Variants in TNS1 observed in about 807,000 individuals in gnomAD.
TNS1 encodes tensin-1.
Under a neutral mutation model 168.6 loss-of-function variants are expected in TNS1, and 62 were observed. That is an observed-to-expected ratio of 0.37 (90% CI 0.30 to 0.45). TNS1 has a LOEUF of 0.45. Ranked by LOEUF, TNS1 falls within the 20% of genes least tolerant of loss-of-function variation. The pLI is 1.00. For synonymous variants in TNS1, 934 were observed against 933.2 expected (o/e 1.00, Z -0.02); for missense variants, 2,240 against 2,339.4 (o/e 0.96, Z 0.88).
At chr2:217,901,663 C>G (rs1053702944) in intron 6 of TNS1, 5 of 152,210 alleles carry the variant, frequency 3.3e-5, no homozygotes, top group African/African-American at 9.7e-5. Context: ...AGAGACAGGA[C>G]CACAATCTGC....
At chr2:218,008,771 T>C (rs955982597) in intron 1 of TNS1, among the ~76,000 whole-genome samples, 1 of 152,154 alleles carries the variant, frequency 6.6e-6, no homozygotes, top group Non-Finnish European at 1.5e-5. Flanking sequence ...TCCCATCCAT[T>C]TGGATGGCAA....
chr2:217,830,758 A>G (rs1290373962), intron 22 of TNS1, among the ~76,000 whole-genome samples: 2 of 152,112 alleles, frequency 1.3e-5, no homozygotes, highest in East Asian at 3.9e-4. Context: ...GGGAGTAGGG[A>G]TGGGGGATGA....
intron 18 of TNS1, among the ~76,000 whole-genome samples, chr2:217,861,785 G>T (rs951980429): frequency 1.4e-4 from 21 of 152,220 alleles, no homozygotes. Flanking sequence ...ACACAGAAGT[G>T]CTCCAAAGGA....
At chr2:217,993,473 C>T (rs1056850633) in intron 1 of TNS1, among the ~76,000 whole-genome samples, 22 of 152,196 alleles carry the variant, frequency 1.4e-4, no homozygotes, top group African/African-American at 5.1e-4. Flanking sequence ...GCCGCTTCTG[C>T]GGTATCCCTG....
At position 217,804,290 on chromosome 2, in the gene TNS1, T is replaced by TG; in HGVS notation, c.*168_*169insC. 2.0e-6 allele frequency: 1 copy of TG among 504,818 alleles called. No individual in the cohort carries two copies. 31.3% of individuals were successfully genotyped at this position (504,818 alleles called of 1,614,324 possible). ...TCTCTCTCTCTCTCTCTCTCTCTCT[T>TG]TTCCCCCTCCCCTCTGCAATTCACT... is the stretch of plus-strand genomic sequence containing the variant. On this transcript the variant is annotated 3_prime_UTR_variant, in exon 33 of 33. Coordinates refer to ENST00000682258, the MANE Select transcript of TNS1 (RefSeq NM_001387777.1).
intron 16 of TNS1, among the ~76,000 whole-genome samples, chr2:217,884,156 T>C (rs1950960598): frequency 6.9e-6 from 1 of 145,438 alleles, no homozygotes; most frequent in Admixed American, 6.7e-5. Flanking sequence ...GGTGGATGGA[T>C]GGATGGATGG....
chr2:217,869,546 C>T (rs1949584847), intron 18 of TNS1, among the ~76,000 whole-genome samples: 1 of 152,254 alleles, frequency 6.6e-6, no homozygotes, highest in South Asian at 2.1e-4. Flanking sequence ...TCAACCCACC[C>T]CCACCTGCGT....
intron 3 of TNS1, among the ~76,000 whole-genome samples, chr2:217,968,587 T>C (rs1274304136): frequency 4.6e-5 from 7 of 152,234 alleles, no homozygotes; most frequent in Admixed American, 1.3e-4. Context: ...GTAAAAAATA[T>C]ATACTCTTAA....
intron 3 of TNS1, 110 bp from the exon 4 acceptor site, chr2:217,920,346 TG>T: frequency 1.5e-5 from 10 of 685,590 alleles, no homozygotes; most frequent in Admixed American, 6.1e-5. Flanking sequence ...TCACACGGGC[TG>T]ACACCTTCTG....
At chr2:217,844,310 C>A (rs1412734224) in intron 19 of TNS1, among the ~76,000 whole-genome samples, 1 of 152,138 alleles carries the variant, frequency 6.6e-6, no homozygotes, top group Non-Finnish European at 1.5e-5. Context: ...CCTGCCCAGA[C>A]CCACCAGACA....
intron 3 of TNS1, among the ~76,000 whole-genome samples, chr2:217,962,069 G>A (rs1957509749): frequency 6.6e-6 from 1 of 152,224 alleles, no homozygotes. Context: ...AATTGTGTAA[G>A]CCAATCCCTT....
intron 18 of TNS1, among the ~76,000 whole-genome samples, chr2:217,873,245 G>A (rs1340067559): frequency 1.3e-5 from 2 of 152,100 alleles, no homozygotes; most frequent in African/African-American, 4.8e-5. Flanking sequence ...CTGCTTTGTG[G>A]CTCCAAACTA....
At chr2:217,825,120 T>C (rs982008811) in intron 22 of TNS1, among the ~76,000 whole-genome samples, 1 of 152,210 alleles carries the variant, frequency 6.6e-6, no homozygotes, top group African/African-American at 2.4e-5. Context: ...TCTTCCCCAA[T>C]TCACTGACGT....
intron 3 of TNS1, among the ~76,000 whole-genome samples, chr2:217,961,688 T>C (rs1211101202): frequency 6.6e-6 from 1 of 152,178 alleles, no homozygotes; most frequent in Admixed American, 6.5e-5. Context: ...ATCAGCCCGG[T>C]GGGACCCCCC....
At chr2:217,911,264 G>A (rs1954373795) in intron 4 of TNS1, among the ~76,000 whole-genome samples, 1 of 152,184 alleles carries the variant, frequency 6.6e-6, no homozygotes, top group Admixed American at 6.5e-5. Context: ...CAGGTGGCAG[G>A]GTTTGAACCT....
At chr2:217,950,149 G>A (rs768889762) in intron 3 of TNS1, among the ~76,000 whole-genome samples, 38 of 152,172 alleles carry the variant, frequency 2.5e-4, no homozygotes, top group Non-Finnish European at 2.2e-4. Context: ...TAGACACTCA[G>A]TAAATATTTG....
At chr2:217,940,795 T>A (rs1257712681) in intron 3 of TNS1, among the ~76,000 whole-genome samples, 1 of 151,550 alleles carries the variant, frequency 6.6e-6, no homozygotes, top group African/African-American at 2.4e-5. Context: ...AAGGATGGAG[T>A]CCAGGGTGGG....
chr2:217,825,106 G>A (rs573797779), intron 22 of TNS1, among the ~76,000 whole-genome samples: 1 of 152,342 alleles, frequency 6.6e-6, no homozygotes, highest in South Asian at 2.1e-4. Context: ...GTGAAGGTGT[G>A]TGCTCTTCCC....
intron 18 of TNS1, among the ~76,000 whole-genome samples, chr2:217,851,619 GC>G (rs924305088): frequency 4.6e-5 from 7 of 152,128 alleles, no homozygotes; most frequent in Non-Finnish European, 8.8e-5. Flanking sequence ...AGGGCCCAGG[GC>G]CCAGGGCTGG....
Sources: gnomAD v4.1 joint callset for allele counts (sites outside exome capture counted in the v4.1 genomes callset) on GRCh38, gnomAD v4.1.1 for gene constraint, MANE v1.5 for transcripts, NCBI Gene and HGNC (gene_info 2026-07-23, HGNC 2026-07-21) for gene names.